CA10: variants seen among roughly 807,000 people sequenced by gnomAD.
The protein encoded by CA10 is carbonic anhydrase-related protein 10.
CA10 carries 14 observed loss-of-function variants against 44.2 expected under a neutral mutation model. That is an observed-to-expected ratio of 0.32 (90% CI 0.21 to 0.50). The LOEUF is 0.50. CA10 is among the 20% of genes least tolerant of loss of function. The pLI, the probability that CA10 is intolerant of heterozygous loss-of-function variation, is 0.99. For synonymous variants in CA10, 159 were observed against 141.6 expected (o/e 1.12, Z -0.87); for missense variants, 350 against 409.7 (o/e 0.85, Z 1.26).
intron 3 of CA10, among the ~76,000 whole-genome samples, chr17:51,779,171 A>G (rs1415763368): frequency 1.3e-5 from 2 of 151,998 alleles, no homozygotes; most frequent in African/African-American, 4.8e-5. Context: ...CCTTTCCAAA[A>G]ATGGGAGAAA....
At chr17:51,917,688 T>C (rs1982059103) in intron 3 of CA10, among the ~76,000 whole-genome samples, 1 of 152,182 alleles carries the variant, frequency 6.6e-6, no homozygotes. Flanking sequence ...CAACTGGACC[T>C]AGTGAGAACT....
intron 3 of CA10, among the ~76,000 whole-genome samples, chr17:51,822,236 T>C (rs1907833285): frequency 1.3e-5 from 2 of 151,882 alleles, no homozygotes; most frequent in Admixed American, 6.6e-5. Context: ...CTGGCCAACA[T>C]TGAAAACTCT....
rs867324027 is a variant in CA10 at position 51,820,416 on chromosome 17, C to T, written c.280-72598G>A. Among the ~76,000 whole-genome samples the T allele has an allele frequency of 1.8e-4, 17 of 92,864 alleles. 2 individuals carry two copies. Among genetic ancestry groups the T allele is most frequent in the African/African-American group, 4.5e-4 (11 of 24,250 alleles). 60.9% of individuals were successfully genotyped at this position (92,864 alleles called of 152,430 possible). ...CTGGGGATTCCCCTACCCCCCCCCCCCCGCCCGCCGATTTTCCTGTACAAA... is the reference window on the plus strand; with the variant it reads ...CTGGGGATTCCCCTACCCCCCCCCCTCCGCCCGCCGATTTTCCTGTACAAA... On this transcript the variant is annotated intron_variant, in intron 3 of 8. Transcript: ENST00000451037.
rs191830928 is a variant in CA10, at chr17:51,882,297, T to C, written c.279+48693A>G. Among the ~76,000 whole-genome samples the C allele has an allele frequency of 2.3e-4, 35 of 152,360 alleles. No individual in the cohort carries two copies. In the East Asian group the frequency reaches 4.6e-3, roughly 20 times the overall value. On this transcript the variant is annotated intron_variant, in intron 3 of 8. Transcript: ENST00000451037. ...ACTGTTTCATAAAATTATCGTGTTA[T>C]ATTATCATATCCTTTTTCATTTTTC...
intron 2 of CA10, among the ~76,000 whole-genome samples, 196 bp from the exon 3 acceptor site, chr17:51,931,328 G>A (rs203084): frequency 0.77 from 117,559 of 151,950 alleles, 46,300 homozygotes; most frequent in African/African-American, 0.91. Flanking sequence ...TACCTGCATG[G>A]TCTCTTGTCA....
intron 2 of CA10, among the ~76,000 whole-genome samples, chr17:51,966,117 A>G (rs1440704391): frequency 6.6e-6 from 1 of 151,846 alleles, no homozygotes; most frequent in Non-Finnish European, 1.5e-5. Flanking sequence ...CTAATTTGCA[A>G]TAGCCATACA....
At chr17:52,109,228 A>T (rs1045919606) in intron 1 of CA10, among the ~76,000 whole-genome samples, 7 of 152,234 alleles carry the variant, frequency 4.6e-5, no homozygotes, top group African/African-American at 1.7e-4. Flanking sequence ...AGATAATAGT[A>T]CTATTTTCTG....
chr17:52,112,921 C>T (rs920524095), intron 1 of CA10, among the ~76,000 whole-genome samples: 4 of 152,146 alleles, frequency 2.6e-5, no homozygotes, highest in African/African-American at 9.7e-5. Flanking sequence ...AGCAGCTGCG[C>T]AGAAGGGAAG....
chr17:52,155,066 T>C (rs9902851), intron 1 of CA10, among the ~76,000 whole-genome samples: 287 of 152,342 alleles, frequency 1.9e-3, no homozygotes, highest in African/African-American at 6.2e-3. Context: ...ATCTTCCACA[T>C]GACAAAGCTA....
chr17:52,006,173 T>C (rs1277114123), intron 2 of CA10, among the ~76,000 whole-genome samples: 1 of 151,834 alleles, frequency 6.6e-6, no homozygotes, highest in Non-Finnish European at 1.5e-5. Flanking sequence ...ATTATTTCTA[T>C]TGACTGCTCC....
At chr17:51,889,055 C>T (rs1742282973) in intron 3 of CA10, among the ~76,000 whole-genome samples, 2 of 152,126 alleles carry the variant, frequency 1.3e-5, no homozygotes, top group Admixed American at 6.6e-5. Context: ...AACACATGGC[C>T]TCTCTAGGCT....
intron 3 of CA10, among the ~76,000 whole-genome samples, chr17:51,864,158 G>A (rs1189228716): frequency 6.6e-6 from 1 of 152,122 alleles, no homozygotes; most frequent in African/African-American, 2.4e-5. Flanking sequence ...TATGTTCCAA[G>A]GGGTCCACCA....
intron 4 of CA10, among the ~76,000 whole-genome samples, chr17:51,720,605 G>A (rs1916322169): frequency 6.6e-6 from 1 of 152,182 alleles, no homozygotes; most frequent in South Asian, 2.1e-4. Flanking sequence ...GAAATTATGT[G>A]TTTTGCAACA....
At chr17:51,722,909 CTT>C (rs1916392311) in intron 4 of CA10, among the ~76,000 whole-genome samples, 1 of 152,170 alleles carries the variant, frequency 6.6e-6, no homozygotes, top group Admixed American at 6.5e-5. Flanking sequence ...TACTTTGGTA[CTT>C]TCTCCTTTGG....
chr17:51,817,840 G>A (rs1443399919), intron 3 of CA10, among the ~76,000 whole-genome samples: 1 of 152,130 alleles, frequency 6.6e-6, no homozygotes, highest in African/African-American at 2.4e-5. Flanking sequence ...GGGGTTAAGG[G>A]AATATAGGAA....
chr17:52,081,524 G>A (rs577973168), intron 1 of CA10, among the ~76,000 whole-genome samples: 1 of 152,256 alleles, frequency 6.6e-6, no homozygotes, highest in East Asian at 1.9e-4. Context: ...GAAGCGGCCG[G>A]GCGCGGTGGC....
chr17:51,695,969 A>G (rs1049341960), intron 4 of CA10, among the ~76,000 whole-genome samples: 12 of 152,216 alleles, frequency 7.9e-5, no homozygotes, highest in African/African-American at 2.4e-4. Flanking sequence ...AATCACATCT[A>G]TTGATTCATA....
chr17:52,126,150 C>G (rs1242785174), intron 1 of CA10, among the ~76,000 whole-genome samples: 1 of 152,130 alleles, frequency 6.6e-6, no homozygotes, highest in African/African-American at 2.4e-5. Context: ...TATGATATTG[C>G]TCATCCTATC....
At chr17:52,141,419 C>T (rs1352142344) in intron 1 of CA10, among the ~76,000 whole-genome samples, 2 of 152,188 alleles carry the variant, frequency 1.3e-5, no homozygotes, top group East Asian at 1.9e-4. Context: ...CAATCAATCC[C>T]TTACTGAAGA....
Sources: allele counts gnomAD v4.1 joint callset (sites outside exome capture counted in the v4.1 genomes callset), GRCh38; gene constraint gnomAD v4.1.1; transcripts MANE v1.5; gene names NCBI Gene and HGNC (gene_info 2026-07-23, HGNC 2026-07-21).